The following GPR176 variants were observed in gnomAD, a reference collection of about 807,000 sequenced individuals.
GPR176 encodes G-protein coupled receptor 176.
In GPR176, 26 loss-of-function variants were observed where a neutral mutation model predicts 35.4. The observed-to-expected ratio is 0.74, with a 90% CI of 0.54 to 1.02. The LOEUF is 1.02. GPR176 is among the 50% of genes least tolerant of loss of function. The pLI, the probability that GPR176 is intolerant of heterozygous loss-of-function variation, is 0.00. For missense variants in GPR176, 597 were observed against 665.3 expected, an observed-to-expected ratio of 0.90 and a Z score of 1.13; for synonymous variants, 278 against 271.3, an observed-to-expected ratio of 1.02 and a Z score of -0.24.
intron 1 of GPR176, chr15:39,813,424 T>C (rs1595440441): frequency 1.3e-5 from 2 of 152,232 alleles, no homozygotes; most frequent in East Asian, 3.8e-4. Context: ...GTATTTTTGC[T>C]GAGGATAATA....
At chr15:39,803,823 G>T (rs771276566) in intron 2 of GPR176, among the ~76,000 whole-genome samples, 3 of 152,170 alleles carry the variant, frequency 2.0e-5, no homozygotes, top group Admixed American at 6.5e-5. Context: ...AGTCTGGCAG[G>T]GGGACCAGCT....
intron 1 of GPR176, among the ~76,000 whole-genome samples, chr15:39,874,399 T>C (rs1022428200): frequency 2.0e-5 from 3 of 152,260 alleles, no homozygotes; most frequent in Non-Finnish European, 4.4e-5. Context: ...CTCCAAATAT[T>C]AGCCTAATTG....
At chr15:39,833,228 T>C (rs1901202973) in intron 1 of GPR176, among the ~76,000 whole-genome samples, 2 of 152,102 alleles carry the variant, frequency 1.3e-5, no homozygotes. Context: ...CTCTTCATAA[T>C]AGCCAAAGAG....
chr15:39,806,504 C>G (rs1470422644), intron 2 of GPR176, among the ~76,000 whole-genome samples: 1 of 152,188 alleles, frequency 6.6e-6, no homozygotes, highest in Non-Finnish European at 1.5e-5. Context: ...AAAGCAATCA[C>G]CACTGCAATA....
intron 1 of GPR176, among the ~76,000 whole-genome samples, chr15:39,908,550 C>CTTTTTTTTTTTTTTT (rs199790696): frequency 6.9e-6 from 1 of 144,070 alleles, no homozygotes. Context: ...AGGAGATTTT[C>CTTTTTTTTTTTTTTT]TTTTTTTTTT....
intron 1 of GPR176, among the ~76,000 whole-genome samples, chr15:39,807,975 T>C (rs907858984): frequency 6.6e-6 from 1 of 152,204 alleles, no homozygotes; most frequent in Admixed American, 6.5e-5. Flanking sequence ...TCTTTGAGCA[T>C]TGTCCTCTGT....
Position 39,807,173 on chromosome 15 carries a change from C to G in GPR176, c.258G>C (p.Ser86=), listed in dbSNP as rs373095514. 2.5e-6 allele frequency: 4 copies of G among 1,613,720 alleles called. No individual in the cohort carries two copies. In the South Asian group the frequency reaches 4.4e-5, roughly 18 times the overall value. Residue 86 remains serine, a synonymous_variant, in exon 2 of 3, where the codon TCG becomes TCC. Transcript: ENST00000561100. ...CACAGACCAGGCTGGCACAAATCCC[C>G]GAGCAGGCCAGGTTTTTAATGAACC... ...TNRFIKNLAC[S]GICASLVCVP...
At chr15:39,875,412 T>G (rs1244338329) in intron 1 of GPR176, among the ~76,000 whole-genome samples, 1 of 152,216 alleles carries the variant, frequency 6.6e-6, no homozygotes, top group African/African-American at 2.4e-5. Flanking sequence ...CTTTGCAGAA[T>G]CCATGCTAGA....
At chr15:39,904,197 T>TAA in intron 1 of GPR176, among the ~76,000 whole-genome samples, 1 of 152,188 alleles carries the variant, frequency 6.6e-6, no homozygotes, top group Non-Finnish European at 1.5e-5. Flanking sequence ...AAGGTCTTTA[T>TAA]GACCTGTATC....
intron 1 of GPR176, among the ~76,000 whole-genome samples, chr15:39,812,747 T>TTA (rs1555403139): frequency 1.3e-4 from 5 of 38,310 alleles, no homozygotes; most frequent in Admixed American, 3.1e-4. Context: ...TAAGCTTTAT[T>TTA]TTTTTTTTTT....
At chr15:39,805,259 T>C (rs1278501692) in intron 2 of GPR176, among the ~76,000 whole-genome samples, 4 of 152,160 alleles carry the variant, frequency 2.6e-5, no homozygotes, top group Admixed American at 6.5e-5. Context: ...TTCACTCTTA[T>C]ATTCCAGTCC....
rs144152428 is a variant in GPR176 at position 39,854,478 on chromosome 15, A to G, written c.173-47220T>C. Among the ~76,000 whole-genome samples the G allele has an allele frequency of 2.2e-4, 34 of 152,256 alleles. No individual in the cohort carries two copies. The East Asian group carries it at 5.2e-3, about 23-fold the overall frequency. On this transcript the variant is annotated intron_variant, in intron 1 of 2. Coordinates refer to ENST00000561100, the MANE Select transcript of GPR176 (RefSeq NM_007223.3). ...CTAAGACTTCTATGAATCATGTCCT[A>G]TGAATTTAGAATCTCAGGGTCTGTA... is the stretch of plus-strand genomic sequence containing the variant.
chr15:39,879,325 A>G (rs2032379992), intron 1 of GPR176, among the ~76,000 whole-genome samples: 1 of 152,202 alleles, frequency 6.6e-6, no homozygotes, highest in Admixed American at 6.5e-5. Context: ...AACCTCCTTC[A>G]GTAATGTTGG....
intron 1 of GPR176, among the ~76,000 whole-genome samples, chr15:39,828,231 A>C (rs1900816795): frequency 6.6e-6 from 1 of 152,232 alleles, no homozygotes; most frequent in South Asian, 2.1e-4. Context: ...CAGCCCCGAC[A>C]GCAAGCTGAC....
intron 1 of GPR176, among the ~76,000 whole-genome samples, chr15:39,891,006 G>A (rs2032851845): frequency 6.6e-6 from 1 of 152,164 alleles, no homozygotes; most frequent in South Asian, 2.1e-4. Context: ...AAGAGGTAGA[G>A]AAGAATAGAT....
chr15:39,868,900 G>T (rs1236267331), intron 1 of GPR176, among the ~76,000 whole-genome samples: 2 of 151,876 alleles, frequency 1.3e-5, no homozygotes, highest in African/African-American at 4.8e-5. Context: ...AACAGGTCTG[G>T]CTTCATAAAA....
Position 39,807,039 on chromosome 15 carries a change from G to A in GPR176, c.392C>T (p.Thr131Ile). The A allele has an allele frequency of 6.2e-7, 1 of 1,613,526 alleles. No individual in the cohort carries two copies. The highest frequency in any genetic ancestry group is 8.5e-7 in the Non-Finnish European group (1 of 1,179,642). ...AGCAATAGCAGGGAAGCTGAGGATG[G>A]TCACAGAGCAGAATACTTTGTGCAA... ...KFLHKVFCSV[T>I]ILSFPAIALD... The change falls in exon 2 of 3, where the codon ACC becomes ATC. Residue 131 changes from threonine to isoleucine, a missense_variant. Thr to Ile is a moderately conservative substitution (Grantham distance 89). This residue lies in a region of GPR176 where 220 missense variants were observed against 297.6 expected (regional missense o/e 0.74). Coordinates refer to ENST00000561100, the MANE Select transcript of GPR176 (RefSeq NM_007223.3).
At chr15:39,825,168 C>G (rs528070695) in intron 1 of GPR176, among the ~76,000 whole-genome samples, 11 of 152,206 alleles carry the variant, frequency 7.2e-5, no homozygotes, top group African/African-American at 2.6e-4. Context: ...GATCACTGCA[C>G]TCCAGTCTGG....
chr15:39,858,293 C>A (rs2031373072), intron 1 of GPR176, among the ~76,000 whole-genome samples: 1 of 152,162 alleles, frequency 6.6e-6, no homozygotes, highest in Non-Finnish European at 1.5e-5. Context: ...ATATGGGAAT[C>A]CCAAATCAAG....
Sources: allele counts gnomAD v4.1 joint callset (sites outside exome capture counted in the v4.1 genomes callset), GRCh38; gene constraint gnomAD v4.1.1; regional missense constraint gnomAD v4.1.1; transcripts MANE v1.5; gene names NCBI Gene and HGNC (gene_info 2026-07-23, HGNC 2026-07-21).